Variants in DLGAP2 observed in about 807,000 individuals in gnomAD.
DLGAP2 encodes disks large-associated protein 2.
DLGAP2 carries 26 observed loss-of-function variants against 100.3 expected under a neutral mutation model. The observed-to-expected ratio is 0.26, with a 90% CI of 0.19 to 0.36. The LOEUF (loss-of-function observed/expected upper bound fraction) is 0.36. Among genes scored for constraint, DLGAP2 ranks in the 10% least tolerant of loss-of-function variants. The probability of loss-of-function intolerance (pLI) is 1.00; values close to 1 mark genes in which losing one functional copy is unlikely to be tolerated. For synonymous variants in DLGAP2, 886 were observed against 630.1 expected (o/e 1.41, Z -6.08); for missense variants, 1,858 against 1,453.2 (o/e 1.28, Z -4.53).
At position 1,549,269 on chromosome 8, in the gene DLGAP2, C is replaced by G. The variant is rs1445946979; in HGVS notation, c.816C>G (p.Ala272=). ...RADDHHHAHH[A]KHSKRSKSKE... is the part of the protein sequence containing the mutation. ...ACGACCACCACCACGCCCACCACGC[C>G]AAGCACAGCAAGAGGAGCAAGAGCA... The change falls in exon 5 of 15, where the codon GCC becomes GCG. Residue 272 remains alanine (A), a synonymous_variant. Coordinates refer to ENST00000637795, the MANE Select transcript of DLGAP2 (RefSeq NM_001346810.2). 3.7e-6 allele frequency: 6 copies of G among 1,611,296 alleles called. No individual in the cohort carries two copies. Among genetic ancestry groups the G allele is most frequent in the Non-Finnish European group, 4.2e-6 (5 of 1,179,462 alleles).
At chr8:979,850 C>G (rs1800278503) in intron 2 of DLGAP2, among the ~76,000 whole-genome samples, 1 of 152,238 alleles carries the variant, frequency 6.6e-6, no homozygotes, top group South Asian at 2.1e-4. Context: ...GTCTTGGACA[C>G]TCAGTCCTTT....
intron 2 of DLGAP2, among the ~76,000 whole-genome samples, chr8:1,074,027 C>G (rs1803519784): frequency 6.9e-6 from 1 of 145,874 alleles, no homozygotes; most frequent in African/African-American, 2.7e-5. Flanking sequence ...GCTGAACTCA[C>G]CCAGGTACAT....
chr8:863,395 T>A (rs1457153522), intron 1 of DLGAP2, among the ~76,000 whole-genome samples: 3 of 152,208 alleles, frequency 2.0e-5, no homozygotes, highest in Non-Finnish European at 4.4e-5. Context: ...GTCCTTAGAC[T>A]CACTGTGAAG....
chr8:1,267,244 T>TAAATAAAATA lies in DLGAP2; in HGVS notation c.106+8390_106+8399dup, dbSNP rs199767284. 2.7e-3 allele frequency among the ~76,000 whole-genome samples: 378 copies of TAAATAAAATA among 138,772 alleles called. 3 individuals carry two copies. The highest frequency in any genetic ancestry group is 0.026 in the South Asian group (108 of 4,146). 91.0% of individuals were successfully genotyped at this position (138,772 alleles called of 152,430 possible). On this transcript the variant is annotated intron_variant, in intron 3 of 14. Coordinates refer to ENST00000637795, the MANE Select transcript of DLGAP2 (RefSeq NM_001346810.2). ...GAGACTTCATCTCAAAATAAATAAATAAATAAAATAAAATAAAATAAAATA... is the reference window on the plus strand; with the variant it reads ...GAGACTTCATCTCAAAATAAATAAATAAATAAAATAAAATAAAATAAAATAAAATAAAATA...
At chr8:829,420 C>T (rs7462117) in intron 1 of DLGAP2, among the ~76,000 whole-genome samples, 39,280 of 151,998 alleles carry the variant, frequency 0.26, 5,793 homozygotes, top group African/African-American at 0.4. Context: ...ATTACCAGGC[C>T]TTCTGGGTAT....
At chr8:958,030 G>A (rs1799634763) in intron 2 of DLGAP2, among the ~76,000 whole-genome samples, 1 of 152,110 alleles carries the variant, frequency 6.6e-6, no homozygotes, top group Non-Finnish European at 1.5e-5. Context: ...TCATTAAACA[G>A]CAGCCCTCGC....
chr8:1,427,554 G>T (rs1797270428), intron 3 of DLGAP2, among the ~76,000 whole-genome samples: 1 of 152,294 alleles, frequency 6.6e-6, no homozygotes, highest in Non-Finnish European at 1.5e-5. Context: ...ATCTCATCTT[G>T]AATTGTAACT....
chr8:1,221,155 G>T (rs556616067), intron 2 of DLGAP2, among the ~76,000 whole-genome samples: 4 of 152,090 alleles, frequency 2.6e-5, no homozygotes, highest in African/African-American at 9.7e-5. Flanking sequence ...TTAGCTGATC[G>T]TTATGTATAC....
chr8:1,434,105 G>A (rs922762269), intron 3 of DLGAP2, among the ~76,000 whole-genome samples: 6 of 152,162 alleles, frequency 3.9e-5, no homozygotes, highest in African/African-American at 1.2e-4. Context: ...TGCTTTGCAG[G>A]TGGAGCATGG....
At chr8:846,721 A>G (rs1187409593) in intron 1 of DLGAP2, among the ~76,000 whole-genome samples, 1 of 152,148 alleles carries the variant, frequency 6.6e-6, no homozygotes. Flanking sequence ...ACTGTTTTCC[A>G]TTCCCACCAG....
At chr8:1,464,756 C>T (rs1385920706) in intron 3 of DLGAP2, among the ~76,000 whole-genome samples, 5 of 152,338 alleles carry the variant, frequency 3.3e-5, no homozygotes, top group Admixed American at 1.3e-4. Context: ...CACTGCCTCA[C>T]GCCTCACCGT....
chr8:1,333,663 T>C (rs1176751515), intron 3 of DLGAP2, among the ~76,000 whole-genome samples: 1 of 152,208 alleles, frequency 6.6e-6, no homozygotes, highest in East Asian at 1.9e-4. Context: ...TGTGTGCCGA[T>C]GTAACCGCGG....
chr8:897,903 C>T (rs1209623637), intron 1 of DLGAP2, among the ~76,000 whole-genome samples: 1 of 152,168 alleles, frequency 6.6e-6, no homozygotes, highest in Non-Finnish European at 1.5e-5. Context: ...CATCCCAAAG[C>T]CCTGCACGTG....
chr8:1,126,772 A>C (rs996127739), intron 2 of DLGAP2, among the ~76,000 whole-genome samples: 10 of 152,182 alleles, frequency 6.6e-5, no homozygotes, highest in Middle Eastern at 6.8e-3. Flanking sequence ...GAGACTCTTG[A>C]GGGGTCCAGG....
At chr8:881,675 A>ATACACACC in intron 1 of DLGAP2, among the ~76,000 whole-genome samples, 2 of 49,140 alleles carry the variant, frequency 4.1e-5, no homozygotes, top group Admixed American at 1.8e-4. Context: ...GAACACACAC[A>ATACACACC]CACACACTTT....
At chr8:1,505,257 G>C (rs1330062933) in intron 4 of DLGAP2, among the ~76,000 whole-genome samples, 1 of 152,190 alleles carries the variant, frequency 6.6e-6, no homozygotes, top group Non-Finnish European at 1.5e-5. Context: ...TAATGATCTT[G>C]ATGCTATTAT....
chr8:1,351,717 G>C (rs1329013568), intron 3 of DLGAP2, among the ~76,000 whole-genome samples: 1 of 61,866 alleles, frequency 1.6e-5, no homozygotes, highest in African/African-American at 5.1e-5. Flanking sequence ...AGGCCATGCG[G>C]GTCCTGAGTG....
chr8:1,326,081 C>T (rs1474207687), intron 3 of DLGAP2, among the ~76,000 whole-genome samples: 1 of 152,186 alleles, frequency 6.6e-6, no homozygotes, highest in African/African-American at 2.4e-5. Context: ...GTGGACTCAA[C>T]TATACAGCTT....
chr8:1,259,320 G>A (rs540294045), intron 3 of DLGAP2, among the ~76,000 whole-genome samples: 75 of 152,280 alleles, frequency 4.9e-4, no homozygotes, highest in African/African-American at 1.7e-3. Context: ...TGTGAGTGAT[G>A]TTCATCAGTG....
Sources: gnomAD v4.1 joint callset for allele counts (sites outside exome capture counted in the v4.1 genomes callset) on GRCh38, gnomAD v4.1.1 for gene constraint, MANE v1.5 for transcripts, NCBI Gene and HGNC (gene_info 2026-07-23, HGNC 2026-07-21) for gene names.